The following NR2F1-AS1 variants were observed in gnomAD, a reference collection of about 807,000 sequenced individuals.
The protein encoded by NR2F1-AS1 is NR2F1 regulatory antisense RNA 1, also known as NR2F1 antisense RNA 1.
chr5:93,573,705 G>A (rs1196020342), intron 1 of NR2F1-AS1, among the ~76,000 whole-genome samples: 1 of 152,106 alleles, frequency 6.6e-6, no homozygotes, highest in Non-Finnish European at 1.5e-5. Flanking sequence ...GTGATTTATC[G>A]CCTCAGCACA....
intron 4 of NR2F1-AS1, among the ~76,000 whole-genome samples, chr5:93,502,504 G>A (rs192480771): frequency 7.9e-5 from 12 of 152,272 alleles, no homozygotes; most frequent in Non-Finnish European, 1.2e-4. Context: ...AAGGTTTTAA[G>A]GTCCATCTGT....
At chr5:93,436,148 T>G (rs1434547988) in intron 4 of NR2F1-AS1, among the ~76,000 whole-genome samples, 1 of 152,152 alleles carries the variant, frequency 6.6e-6, no homozygotes, top group Non-Finnish European at 1.5e-5. Context: ...TAAAAGAAAA[T>G]CTGTTTAAAT....
chr5:93,482,907 C>T (rs543300247), intron 4 of NR2F1-AS1, among the ~76,000 whole-genome samples: 1 of 152,312 alleles, frequency 6.6e-6, no homozygotes, highest in East Asian at 1.9e-4. Context: ...TCTAGATTTC[C>T]CCTCTCTGGG....
intron 1 of NR2F1-AS1, among the ~76,000 whole-genome samples, chr5:93,564,288 T>G (rs1462036120): frequency 3.9e-5 from 6 of 152,046 alleles, no homozygotes; most frequent in Non-Finnish European, 5.9e-5. Flanking sequence ...TTAAACCAAC[T>G]TTTTGATCTT....
At chr5:93,461,164 C>A (rs920558647) in intron 4 of NR2F1-AS1, among the ~76,000 whole-genome samples, 1 of 152,148 alleles carries the variant, frequency 6.6e-6, no homozygotes. Context: ...TAAAAAGGAA[C>A]GAGATCATGT....
At chr5:93,439,439 T>C (rs895166519) in intron 4 of NR2F1-AS1, among the ~76,000 whole-genome samples, 2 of 152,068 alleles carry the variant, frequency 1.3e-5, no homozygotes, top group African/African-American at 4.8e-5. Flanking sequence ...GGACTACAGG[T>C]GCCCGCTACC....
intron 4 of NR2F1-AS1, among the ~76,000 whole-genome samples, chr5:93,456,707 GT>G (rs1002818851): frequency 1.3e-4 from 20 of 150,916 alleles, no homozygotes; most frequent in African/African-American, 4.4e-4. Flanking sequence ...GGGAACCGGC[GT>G]TCAGCATATG....
intron 4 of NR2F1-AS1, among the ~76,000 whole-genome samples, chr5:93,479,470 T>A (rs1423142808): frequency 6.6e-6 from 1 of 152,154 alleles, no homozygotes; most frequent in Non-Finnish European, 1.5e-5. Flanking sequence ...GGAATATAGT[T>A]TTTTCAAAAC....
chr5:93,558,573 C>T (rs770373534), intron 2 of NR2F1-AS1, among the ~76,000 whole-genome samples: 23 of 152,134 alleles, frequency 1.5e-4, no homozygotes, highest in Admixed American at 3.9e-4. Flanking sequence ...CCACCTGCCT[C>T]GGTCTCCCAA....
intron 4 of NR2F1-AS1, among the ~76,000 whole-genome samples, chr5:93,525,730 A>G (rs138135275): frequency 0.014 from 2,073 of 152,334 alleles, 50 homozygotes; most frequent in African/African-American, 0.047. Flanking sequence ...CTACATGGAA[A>G]CTGAACAACC....
intron 4 of NR2F1-AS1, among the ~76,000 whole-genome samples, chr5:93,530,075 CTT>C (rs1227046832): frequency 2.3e-4 from 23 of 97,912 alleles, no homozygotes; most frequent in South Asian, 2.3e-3. Context: ...AATTTGAAGG[CTT>C]TTTTTTTTTT....
chr5:93,487,607 T>C (rs1750753176), intron 4 of NR2F1-AS1, among the ~76,000 whole-genome samples: 1 of 152,106 alleles, frequency 6.6e-6, no homozygotes, highest in Admixed American at 6.6e-5. Flanking sequence ...CAGAAACAAA[T>C]GGAAAAACAT....
At chr5:93,567,015 A>C (rs571456655) in intron 1 of NR2F1-AS1, among the ~76,000 whole-genome samples, 20 of 152,170 alleles carry the variant, frequency 1.3e-4, no homozygotes, top group African/African-American at 4.8e-4. Flanking sequence ...TCTTATGGGC[A>C]TATACTACTT....
At chr5:93,585,008 C>T, upstream of NR2F1-AS1, 2 of 1,000,222 alleles carry the variant, frequency 2.0e-6, no homozygotes, top group Non-Finnish European at 1.2e-6. Flanking sequence ...CCCCAGCGCT[C>T]CCCGGGCCCA....
chr5:93,562,205 G>C (rs920729980), intron 2 of NR2F1-AS1, among the ~76,000 whole-genome samples: 1 of 141,080 alleles, frequency 7.1e-6, no homozygotes. Flanking sequence ...AAAAAGAAAA[G>C]AAAAGAAAAG....
chr5:93,505,806 G>A (rs950352519), intron 4 of NR2F1-AS1, among the ~76,000 whole-genome samples: 5 of 152,190 alleles, frequency 3.3e-5, no homozygotes, highest in African/African-American at 7.2e-5. Context: ...CTCCAGGCTT[G>A]TGATGGGAGG....
chr5:93,494,813 T>C (rs1408382395), intron 4 of NR2F1-AS1, among the ~76,000 whole-genome samples: 2 of 152,176 alleles, frequency 1.3e-5, no homozygotes, highest in Admixed American at 1.3e-4. Context: ...AGCAGTATTA[T>C]TCATAACAGC....
At chr5:93,509,290 T>C (rs1751248122) in intron 4 of NR2F1-AS1, among the ~76,000 whole-genome samples, 1 of 152,104 alleles carries the variant, frequency 6.6e-6, no homozygotes, top group Admixed American at 6.6e-5. Flanking sequence ...ACACCAGAAC[T>C]CTCTGCAATA....
chr5:93,499,234 C>T (rs915689132), intron 4 of NR2F1-AS1, among the ~76,000 whole-genome samples: 4 of 152,078 alleles, frequency 2.6e-5, no homozygotes, highest in African/African-American at 9.7e-5. Context: ...CTACAGAAAA[C>T]GGTGACACAT....
Sources: gnomAD v4.1 joint callset for allele counts (sites outside exome capture counted in the v4.1 genomes callset) on GRCh38, gnomAD v4.1.1 for gene constraint, MANE v1.5 for transcripts, NCBI Gene and HGNC (gene_info 2026-07-23, HGNC 2026-07-21) for gene names.